HIRA: variants seen among roughly 807,000 people sequenced by gnomAD.
The protein encoded by HIRA is histone cell cycle regulator, also known as protein HIRA.
A neutral mutation model predicts 126.6 loss-of-function variants in HIRA; 13 were observed. The observed-to-expected ratio is 0.10, with a 90% confidence interval of 0.07 to 0.16. The LOEUF (loss-of-function observed/expected upper bound fraction) is 0.16, where lower values mean the gene tolerates loss of function less well. HIRA is among the 10% of genes least tolerant of loss of function. HIRA has a pLI of 1.00. For missense variants in HIRA, 834 were observed against 1,314.4 expected (o/e 0.63, Z 5.65); for synonymous variants, 511 against 520.0 (o/e 0.98, Z 0.24).
intron 15 of HIRA, among the ~76,000 whole-genome samples, chr22:19,369,931 AAAAC>A (rs371707260): frequency 6.6e-5 from 10 of 152,290 alleles, no homozygotes; most frequent in African/African-American, 1.2e-4. Context: ...TCTGTCTCAA[AAAAC>A]AAACAAACAA....
intron 24 of HIRA, among the ~76,000 whole-genome samples, chr22:19,334,753 A>T (rs1373447420): frequency 6.6e-6 from 1 of 152,144 alleles, no homozygotes; most frequent in Non-Finnish European, 1.5e-5. Flanking sequence ...GTGTTATTAC[A>T]TGTAAGCTGG....
chr22:19,407,831 C>T (rs2089320448), intron 3 of HIRA, among the ~76,000 whole-genome samples: 1 of 152,200 alleles, frequency 6.6e-6, no homozygotes, highest in Non-Finnish European at 1.5e-5. Context: ...GAAATTCCCC[C>T]AGGCCCCTGA....
At chr22:19,375,876 T>A (rs954107443) in intron 14 of HIRA, 84 bp from the exon 15 acceptor site, 37 of 1,393,286 alleles carry the variant, frequency 2.7e-5, no homozygotes, top group Non-Finnish European at 3.6e-5. Flanking sequence ...TGGAGCCTAC[T>A]AAAAAAGGCA....
intron 9 of HIRA, among the ~76,000 whole-genome samples, 174 bp downstream of exon 9, chr22:19,391,927 C>T (rs960750824): frequency 6.6e-6 from 1 of 152,214 alleles, no homozygotes; most frequent in African/African-American, 2.4e-5. Context: ...CAGTCTTCAG[C>T]ACTTCCTTCT....
chr22:19,398,405 G>A (rs916732793), intron 5 of HIRA, among the ~76,000 whole-genome samples: 24 of 152,216 alleles, frequency 1.6e-4, no homozygotes, highest in African/African-American at 5.5e-4. Context: ...CAGCCCTGCT[G>A]ACTTGCTTTG....
intron 1 of HIRA, among the ~76,000 whole-genome samples, chr22:19,427,668 G>A (rs1291130617): frequency 2.0e-5 from 3 of 152,190 alleles, no homozygotes; most frequent in Non-Finnish European, 4.4e-5. Context: ...GGCCAAAGGT[G>A]GACAAGAGCT....
chr22:19,338,408 GAA>G (rs35862265), intron 24 of HIRA, among the ~76,000 whole-genome samples: 20 of 141,442 alleles, frequency 1.4e-4, no homozygotes, highest in South Asian at 2.2e-4. Flanking sequence ...ATAACAAAAT[GAA>G]AAAAAAAAAA....
At position 19,431,289 on chromosome 22, in the gene HIRA, G is replaced by A. The variant is rs973858609; in HGVS notation, c.37+151C>T. On this transcript the variant is annotated intron_variant, in intron 1 of 24. Coordinates refer to ENST00000263208, the MANE Select transcript of HIRA (RefSeq NM_003325.4). ...GGGCTCACCAGCCTCTCCGCGCTGA[G>A]GACAAAGTCCGCTCCCGCCGGCTTC... The A allele has an allele frequency of 4.7e-6, 4 of 855,566 alleles. 1 individual carries two copies. The highest frequency in any genetic ancestry group is 7.5e-6 in the Non-Finnish European group (4 of 536,412). 53.0% of individuals were successfully genotyped at this position (855,566 alleles called of 1,614,324 possible).
At chr22:19,398,701 G>A (rs1217718327) in intron 5 of HIRA, among the ~76,000 whole-genome samples, 2 of 152,332 alleles carry the variant, frequency 1.3e-5, no homozygotes, top group East Asian at 1.9e-4. Flanking sequence ...TCTAGGCCAG[G>A]TGCAGGGACT....
intron 1 of HIRA, among the ~76,000 whole-genome samples, chr22:19,428,085 A>T (rs2089502155): frequency 6.6e-6 from 1 of 152,216 alleles, no homozygotes; most frequent in African/African-American, 2.4e-5. Context: ...TGGAAGAGGT[A>T]AGTCTTATTT....
At chr22:19,338,068 A>G (rs2088586500) in intron 24 of HIRA, among the ~76,000 whole-genome samples, 1 of 152,138 alleles carries the variant, frequency 6.6e-6, no homozygotes, top group African/African-American at 2.4e-5. Context: ...TTGGGATTAC[A>G]CGAATGAGCC....
At chr22:19,363,757 G>A (rs753374217) in intron 15 of HIRA, among the ~76,000 whole-genome samples, 2 of 152,210 alleles carry the variant, frequency 1.3e-5, no homozygotes, top group South Asian at 2.1e-4. Context: ...AATTAGCCAC[G>A]TGTGGTGGCA....
chr22:19,337,956 T>A (rs1233573411), intron 24 of HIRA, among the ~76,000 whole-genome samples: 6 of 152,090 alleles, frequency 3.9e-5, no homozygotes. Context: ...CAGGCCTGGA[T>A]AATTTTTGTA....
At position 19,377,893 on chromosome 22, in the gene HIRA, G is replaced by A. The variant is rs1373449157; in HGVS notation, c.1589C>T (p.Ala530Val). Residue 530 changes from alanine to valine, a missense_variant, in exon 14 of 25, where the codon GCA becomes GTA. Around this residue, in one of 5 missense-constraint regions of HIRA, gnomAD observed 468 missense variants for 574.2 expected, o/e 0.82. Coordinates refer to ENST00000263208, the MANE Select transcript of HIRA (RefSeq NM_003325.4). The stretch of plus-strand genomic sequence containing the variant: ...CCTGTCTTTATTGACAGAATCGCCT[G>A]CAGGTCTGGCACTGGCAGCCACCAC... Reference protein sequence around the residue: ...EPVVAASARPAGDSVNKDSMN... With the variant: ...EPVVAASARPVGDSVNKDSMN... 1 of 1,612,056 alleles carries A rather than the reference G, an allele frequency of 6.2e-7. No homozygotes were observed. Among genetic ancestry groups the A allele is most frequent in the Non-Finnish European group, 8.5e-7 (1 of 1,179,032 alleles).
chr22:19,381,092 T>C (rs1395590811), intron 13 of HIRA, among the ~76,000 whole-genome samples: 2 of 152,256 alleles, frequency 1.3e-5, no homozygotes, highest in East Asian at 3.8e-4. Flanking sequence ...CTTTGAAGCC[T>C]CTCAGTAGGG....
At position 19,405,048 on chromosome 22, in the gene HIRA, A is replaced by G. The variant is rs140878378; in HGVS notation, c.397+738T>C. Among the ~76,000 whole-genome samples the G allele has an allele frequency of 5.2e-3, 794 of 152,274 alleles. 14 individuals are homozygous for G. The highest frequency in any genetic ancestry group is 0.019 in the African/African-American group (778 of 41,552). On this transcript the variant is annotated intron_variant, in intron 5 of 24. Transcript: ENST00000263208. Reference sequence around the variant, plus strand: ...CATGACAAGGGACTCCCTCAGTAACAGGGAGCACAAGCTTTCCATGATCCG... The same window carrying G: ...CATGACAAGGGACTCCCTCAGTAACGGGGAGCACAAGCTTTCCATGATCCG...
At chr22:19,339,637 A>G (rs2088604834) in intron 24 of HIRA, among the ~76,000 whole-genome samples, 1 of 148,336 alleles carries the variant, frequency 6.7e-6, no homozygotes, top group Non-Finnish European at 1.5e-5. Flanking sequence ...CTCCGTCTCA[A>G]AAAAAAAAAA....
rs781166553 is a variant in HIRA, at chr22:19,417,750, T to G, written c.38-6972A>C. The stretch of plus-strand genomic sequence containing the variant: ...CCATATGACCTGGCAATTATACTTC[T>G]GGGTATATAACCAAAAGAAAGGGTC... On this transcript the variant is annotated intron_variant, in intron 1 of 24. Coordinates refer to ENST00000263208, the MANE Select transcript of HIRA (RefSeq NM_003325.4). 6.6e-5 allele frequency among the ~76,000 whole-genome samples: 10 copies of G among 152,372 alleles called. No homozygotes were observed. In the South Asian group the frequency reaches 2.1e-3, roughly 32 times the overall value.
chr22:19,362,186 C>A (rs2146198409), intron 15 of HIRA, among the ~76,000 whole-genome samples: 1 of 152,264 alleles, frequency 6.6e-6, no homozygotes, highest in East Asian at 1.9e-4. Context: ...ATAAATGATG[C>A]AGGCCAGAAA....
Sources: allele counts gnomAD v4.1 joint callset (sites outside exome capture counted in the v4.1 genomes callset), GRCh38; gene constraint gnomAD v4.1.1; regional missense constraint gnomAD v4.1.1; transcripts MANE v1.5; gene names NCBI Gene and HGNC (gene_info 2026-07-23, HGNC 2026-07-21).